Variants in SIGLECL1 observed in about 807,000 individuals in gnomAD.
The protein encoded by SIGLECL1 is SIGLEC family like 1.
A neutral mutation model predicts 19.1 loss-of-function variants in SIGLECL1; 16 were observed. That is an observed-to-expected ratio of 0.84 (90% CI 0.57 to 1.27). SIGLECL1 has a LOEUF of 1.27. Ranked by LOEUF, SIGLECL1 falls within the 50% of genes most tolerant of loss-of-function variation. The pLI is 0.00. For synonymous variants in SIGLECL1, 89 were observed against 90.4 expected (o/e 0.98, Z 0.09); for missense variants, 210 against 239.4 (o/e 0.88, Z 0.81).
chr19:51,250,364 G>A (rs1599786786), upstream of SIGLECL1, among the ~76,000 whole-genome samples: 3 of 152,312 alleles, frequency 2.0e-5, no homozygotes, highest in East Asian at 3.9e-4. Flanking sequence ...GATTACAGGC[G>A]TGAGTCACCG....
intron 2 of SIGLECL1, 52 bp from the exon 3 acceptor site, chr19:51,265,316 G>C (rs1485681892): frequency 6.5e-7 from 1 of 1,543,870 alleles, no homozygotes; most frequent in Non-Finnish European, 8.8e-7. Flanking sequence ...TGGAGAAACT[G>C]GAAGAGGGAA....
intron 1 of SIGLECL1, among the ~76,000 whole-genome samples, chr19:51,254,509 G>C (rs1384580514): frequency 6.6e-6 from 1 of 152,124 alleles, no homozygotes; most frequent in African/African-American, 2.4e-5. Context: ...TTGAAAGCAT[G>C]CTAAATGAAA....
At chr19:51,254,576 A>G (rs1030239547) in intron 1 of SIGLECL1, among the ~76,000 whole-genome samples, 8 of 152,336 alleles carry the variant, frequency 5.3e-5, no homozygotes, top group South Asian at 2.1e-4. Flanking sequence ...CAATGTCCAG[A>G]ATAGGCAAAT....
rs768096686 is a variant in SIGLECL1, at chr19:51,265,658, G to A, written c.304+9G>A. 14 of 1,611,808 alleles carry A rather than the reference G, an allele frequency of 8.7e-6. No homozygotes were observed. The highest frequency in any genetic ancestry group is 3.3e-5 in the Admixed American group (2 of 59,946). Reference sequence around the variant, plus strand: ...CATCCTACTGATGTCAAGTGAGGGTGGAGGGGGCTCGGTGACTGGGTGAGG... The same window carrying A: ...CATCCTACTGATGTCAAGTGAGGGTAGAGGGGGCTCGGTGACTGGGTGAGG... On this transcript the variant is annotated intron_variant, in intron 3 of 5. Transcript: ENST00000601727.
intron 1 of SIGLECL1, among the ~76,000 whole-genome samples, chr19:51,255,566 A>G (rs1298741952): frequency 1.3e-5 from 2 of 152,222 alleles, no homozygotes; most frequent in African/African-American, 2.4e-5. Flanking sequence ...TCCAAAATAC[A>G]TAAGGAACTC....
chr19:51,249,834 A>AC (rs1982389113), upstream of SIGLECL1, among the ~76,000 whole-genome samples: 1 of 152,196 alleles, frequency 6.6e-6, no homozygotes. Context: ...AAAGTAAAAG[A>AC]ATAAAAGAAT....
chr19:51,265,272 C>T (rs1160700831), intron 2 of SIGLECL1, 96 bp from the exon 3 acceptor site: 23 of 1,390,310 alleles, frequency 1.7e-5, no homozygotes, highest in Admixed American at 2.2e-5. Context: ...TCTGAAGCTC[C>T]TTGTGAATAG....
At chr19:51,266,061 G>A (rs534342113) in intron 4 of SIGLECL1, among the ~76,000 whole-genome samples, 179 bp downstream of exon 4, 10 of 152,198 alleles carry the variant, frequency 6.6e-5, no homozygotes, top group Admixed American at 4.6e-4. Context: ...ATACAGAACC[G>A]TAAAACTGTG....
chr19:51,266,813 A>G (rs1011647457), intron 4 of SIGLECL1, among the ~76,000 whole-genome samples: 1 of 152,208 alleles, frequency 6.6e-6, no homozygotes, highest in Non-Finnish European at 1.5e-5. Context: ...GAGCCTGTCC[A>G]GACAGCTTGG....
chr19:51,263,862 A>G (rs574281744), intron 1 of SIGLECL1, 21 bp from the exon 2 acceptor site: 2 of 533,738 alleles, frequency 3.7e-6, no homozygotes, highest in African/African-American at 1.9e-5. Context: ...CTCTCATCCC[A>G]TATAATTCCT....
At chr19:51,255,174 C>T (rs762910789) in intron 1 of SIGLECL1, among the ~76,000 whole-genome samples, 5 of 151,508 alleles carry the variant, frequency 3.3e-5, no homozygotes, top group Non-Finnish European at 7.4e-5. Context: ...GCACAAGAAT[C>T]GCTTGCACCC....
At position 51,265,800 on chromosome 19, in the gene SIGLECL1, G is replaced by A. The variant is rs374701602; in HGVS notation, c.328G>A (p.Ala110Thr). Residue 110 changes from alanine (A) to threonine (T), a missense_variant, in exon 4 of 6, where the codon GCC (alanine) becomes ACC (threonine). Ala to Thr is a moderately conservative substitution (Grantham distance 58, BLOSUM62 0). Transcript: ENST00000601727. ...MSRKSSLAAQ[A>T]FVKGLIQGAI... ...AGGAAAGAGTTCTTTGGCTGCCCAG[G>A]CCTTCGTGAAAGGGCTGATCCAGGG... The A allele has an allele frequency of 6.2e-6, 10 of 1,614,196 alleles. No individual in the cohort carries two copies. Among genetic ancestry groups the A allele is most frequent in the Non-Finnish European group, 8.5e-6 (10 of 1,180,044 alleles).
intron 2 of SIGLECL1, 116 bp from the exon 3 acceptor site, chr19:51,265,252 A>G: frequency 8.3e-7 from 1 of 1,210,760 alleles, no homozygotes. Flanking sequence ...GTGGGCTTCC[A>G]GAAAGTCCTT....
chr19:51,265,639 A>G lies in SIGLECL1; in HGVS notation c.294A>G (p.Leu98=), dbSNP rs1455676792. Residue 98 remains leucine (L), a synonymous_variant, in exon 3 of 6, where the codon CTA becomes CTG. Coordinates refer to ENST00000601727, the MANE Select transcript of SIGLECL1 (RefSeq NM_001385465.1). ...ACGGAACCCATGCTTTGAGCATCCT[A>G]CTGATGTCAAGTGAGGGTGGAGGGG... ...NQNGTHALSI[L]LMSRKSSLAA... 12 of 1,613,476 alleles carry G rather than the reference A, an allele frequency of 7.4e-6. No individual in the cohort carries two copies. Among genetic ancestry groups the G allele is most frequent in the East Asian group, 2.2e-5 (1 of 44,850 alleles).
At chr19:51,252,677 C>G (rs914797150) in intron 1 of SIGLECL1, among the ~76,000 whole-genome samples, 2 of 152,086 alleles carry the variant, frequency 1.3e-5, no homozygotes, top group African/African-American at 4.8e-5. Context: ...TGGGCGATAT[C>G]TTTTTTATGT....
chr19:51,250,851 A>G (rs1568440945), upstream of SIGLECL1, among the ~76,000 whole-genome samples: 1 of 152,218 alleles, frequency 6.6e-6, no homozygotes. Context: ...GCAGCCGTGC[A>G]TCAGCTCCCA....
At chr19:51,267,327 T>G (rs1251525485) in intron 4 of SIGLECL1, 46 bp from the exon 5 acceptor site, 1 of 1,592,756 alleles carries the variant, frequency 6.3e-7, no homozygotes, top group Admixed American at 1.7e-5. Context: ...ATTTGGGGAT[T>G]CAGGGAGATG....
rs976144767 is a variant in SIGLECL1 at position 51,252,633 on chromosome 19, G to A, written c.-191+1088G>A. Among the ~76,000 whole-genome samples, 9 of 152,262 alleles carry A rather than the reference G, an allele frequency of 5.9e-5. No individual in the cohort carries two copies. In the East Asian group the frequency reaches 9.7e-4, roughly 16 times the overall value. ...TGCAAAAAGAAAGTGGATATGTGGCGTGAATGAGAGAGGCATTTAACGACC... is the reference window on the plus strand; with the variant it reads ...TGCAAAAAGAAAGTGGATATGTGGCATGAATGAGAGAGGCATTTAACGACC... On this transcript the variant is annotated intron_variant, in intron 1 of 5. Transcript: ENST00000601727.
At chr19:51,257,364 C>G (rs1390650973) in intron 1 of SIGLECL1, among the ~76,000 whole-genome samples, 1 of 151,644 alleles carries the variant, frequency 6.6e-6, no homozygotes, top group Non-Finnish European at 1.5e-5. Flanking sequence ...TGTGAATGCT[C>G]CGTTGCACTC....
Sources: allele counts gnomAD v4.1 joint callset (sites outside exome capture counted in the v4.1 genomes callset), GRCh38; gene constraint gnomAD v4.1.1; transcripts MANE v1.5; gene names NCBI Gene and HGNC (gene_info 2026-07-23, HGNC 2026-07-21).